LRP1B: variants seen among roughly 807,000 people sequenced by gnomAD.
LRP1B encodes LDL receptor related protein 1B.
In LRP1B, 217 loss-of-function variants were observed where a neutral mutation model predicts 556.6. The observed-to-expected ratio is 0.39, with a 90% CI of 0.35 to 0.44. The LOEUF (loss-of-function observed/expected upper bound fraction) is 0.44. Among genes scored for constraint, LRP1B ranks in the 20% least tolerant of loss-of-function variants. The pLI, the probability that LRP1B is intolerant of heterozygous loss-of-function variation, is 1.00. For missense variants in LRP1B, 5,053 were observed against 5,620.8 expected (o/e 0.90, Z 3.23); for synonymous variants, 2,047 against 1,865.8 (o/e 1.10, Z -2.50).
chr2:141,511,894 C>T (rs1481195432), intron 2 of LRP1B, among the ~76,000 whole-genome samples: 1 of 152,114 alleles, frequency 6.6e-6, no homozygotes, highest in Non-Finnish European at 1.5e-5. Flanking sequence ...GTGAACACTA[C>T]AAATAAATTT....
At chr2:141,944,599 G>A (rs1004086257) in intron 1 of LRP1B, among the ~76,000 whole-genome samples, 1 of 151,896 alleles carries the variant, frequency 6.6e-6, no homozygotes, top group Non-Finnish European at 1.5e-5. Context: ...TGCCTCCTGA[G>A]TATAAAACTG....
chr2:141,727,824 T>TAC lies in LRP1B; in HGVS notation c.205+82453_205+82454dup, dbSNP rs1693099645. 7.2e-5 allele frequency among the ~76,000 whole-genome samples: 11 copies of TAC among 152,214 alleles called. No individual in the cohort carries two copies. In the South Asian group the frequency reaches 2.3e-3, roughly 32 times the overall value. The stretch of plus-strand genomic sequence containing the variant: ...ATATATCAATCTCTCTATATATATA[T>TAC]ACACACACATATATATATCTCACAG... On this transcript the variant is annotated intron_variant, in intron 2 of 90. Coordinates refer to ENST00000389484, the MANE Select transcript of LRP1B (RefSeq NM_018557.3).
intron 89 of LRP1B, among the ~76,000 whole-genome samples, chr2:140,236,185 A>G (rs572816627): frequency 6.6e-6 from 1 of 151,114 alleles, no homozygotes; most frequent in African/African-American, 2.4e-5. Context: ...TGAATAGTTG[A>G]GCATCAATTT....
chr2:141,647,605 T>C (rs1354102440), intron 2 of LRP1B, among the ~76,000 whole-genome samples: 1 of 152,182 alleles, frequency 6.6e-6, no homozygotes, highest in African/African-American at 2.4e-5. Flanking sequence ...GCTTTTACTT[T>C]ATATTTGTTT....
At chr2:141,989,529 G>A (rs559698764) in intron 1 of LRP1B, among the ~76,000 whole-genome samples, 5 of 151,798 alleles carry the variant, frequency 3.3e-5, no homozygotes, top group African/African-American at 1.2e-4. Flanking sequence ...TTTGATCTTT[G>A]GTATGGTTTG....
chr2:140,829,705 C>T (rs980443708), intron 31 of LRP1B, among the ~76,000 whole-genome samples: 4 of 151,760 alleles, frequency 2.6e-5, no homozygotes, highest in Non-Finnish European at 5.9e-5. Flanking sequence ...CAATGAGGCA[C>T]TCAAGGAACT....
At chr2:141,567,611 G>C (rs866165653) in intron 2 of LRP1B, among the ~76,000 whole-genome samples, 15 of 151,958 alleles carry the variant, frequency 9.9e-5, no homozygotes, top group Middle Eastern at 3.2e-3. Context: ...AATAAGAAAA[G>C]ATGAGAAATT....
intron 1 of LRP1B, among the ~76,000 whole-genome samples, chr2:142,068,145 CAG>C (rs1192978564): frequency 2.6e-5 from 4 of 151,418 alleles, no homozygotes; most frequent in South Asian, 4.2e-4. Context: ...ATTAATAAAA[CAG>C]AATCTCCAAA....
At chr2:141,571,827 A>G (rs1188155749) in intron 2 of LRP1B, among the ~76,000 whole-genome samples, 1 of 152,134 alleles carries the variant, frequency 6.6e-6, no homozygotes, top group Non-Finnish European at 1.5e-5. Flanking sequence ...AAAAAAAGAT[A>G]TCATAGCCTG....
intron 2 of LRP1B, among the ~76,000 whole-genome samples, chr2:141,793,107 G>A (rs536902808): frequency 6.6e-6 from 1 of 151,856 alleles, no homozygotes; most frequent in South Asian, 2.1e-4. Context: ...ATTACACATT[G>A]TGAAAAAAAC....
chr2:141,667,113 T>A (rs1313393232), intron 2 of LRP1B, among the ~76,000 whole-genome samples: 3 of 152,134 alleles, frequency 2.0e-5, no homozygotes, highest in African/African-American at 4.8e-5. Context: ...TTCTCCTGTA[T>A]GTTTCTGAAG....
At chr2:140,422,178 T>G (rs981470880) in intron 66 of LRP1B, among the ~76,000 whole-genome samples, 3 of 152,188 alleles carry the variant, frequency 2.0e-5, no homozygotes, top group Non-Finnish European at 4.4e-5. Context: ...TAGAACCAGT[T>G]TTCTGGAACT....
At chr2:140,602,404 A>G (rs935473529) in intron 41 of LRP1B, among the ~76,000 whole-genome samples, 6 of 152,060 alleles carry the variant, frequency 3.9e-5, no homozygotes, top group African/African-American at 1.4e-4. Flanking sequence ...CAGACATGCT[A>G]TGAGTGCATC....
intron 1 of LRP1B, among the ~76,000 whole-genome samples, chr2:141,918,542 A>C (rs893505223): frequency 3.9e-5 from 6 of 151,974 alleles, no homozygotes; most frequent in African/African-American, 1.4e-4. Context: ...ATGAGGGCAT[A>C]CTCTTTTAAA....
At chr2:141,544,387 C>CTTCTTCTTCTTCTTCTTCTT (rs1559131587) in intron 2 of LRP1B, among the ~76,000 whole-genome samples, 3 of 44,572 alleles carry the variant, frequency 6.7e-5, no homozygotes, top group South Asian at 1.1e-3. Context: ...TTCTTCTCCT[C>CTTCTTCTTCTTCTTCTTCTT]CTCCTCCTCC....
chr2:141,131,349 G>A (rs1701347247), intron 7 of LRP1B, among the ~76,000 whole-genome samples: 1 of 144,102 alleles, frequency 6.9e-6, no homozygotes, highest in Admixed American at 7.1e-5. Flanking sequence ...AAAAAGTAAG[G>A]TTTGAGAATA....
Position 140,274,526 on chromosome 2 carries a change from C to A in LRP1B, c.13040G>T (p.Cys4347Phe). ...TTTTGGTCCTTCATAGCGCGTTGGACAGACACATTCAACACTTCCATCATC... is the reference window on the plus strand; with the variant it reads ...TTTTGGTCCTTCATAGCGCGTTGGAAAGACACATTCAACACTTCCATCATC... ...IGDDGSVECV[C>F]PTRYEGPKCE... The change falls in exon 85 of 91, where the codon TGT becomes TTT. Residue 4347 changes from cysteine (C) to phenylalanine (F), a missense_variant. By Grantham distance (205) the Cys-to-Phe change is radical. Around this residue, in one of 5 missense-constraint regions of LRP1B, gnomAD observed 551 missense variants for 592.0 expected, o/e 0.93. Coordinates refer to ENST00000389484, the MANE Select transcript of LRP1B (RefSeq NM_018557.3). 1 of 1,612,370 alleles carries A rather than the reference C, an allele frequency of 6.2e-7. No homozygotes were observed. The highest frequency in any genetic ancestry group is 8.5e-7 in the Non-Finnish European group (1 of 1,178,882).
At chr2:140,609,468 C>T (rs925239599) in intron 41 of LRP1B, among the ~76,000 whole-genome samples, 4 of 152,068 alleles carry the variant, frequency 2.6e-5, no homozygotes, top group South Asian at 2.1e-4. Context: ...AAATTCCATA[C>T]GTACGTCCAA....
intron 47 of LRP1B, among the ~76,000 whole-genome samples, chr2:140,530,641 G>A (rs891366291): frequency 6.6e-6 from 1 of 152,080 alleles, no homozygotes; most frequent in South Asian, 2.1e-4. Context: ...AAAGGAGCTG[G>A]TCCATTGAAT....
Sources: allele counts gnomAD v4.1 joint callset (sites outside exome capture counted in the v4.1 genomes callset), GRCh38; gene constraint gnomAD v4.1.1; regional missense constraint gnomAD v4.1.1; transcripts MANE v1.5; gene names NCBI Gene and HGNC (gene_info 2026-07-23, HGNC 2026-07-21).